The following CMYA5 variants were observed in gnomAD, a reference collection of about 807,000 sequenced individuals.
CMYA5 encodes cardiomyopathy associated 5.
In CMYA5, 246 loss-of-function variants were observed where a neutral mutation model predicts 318.9. That is an observed-to-expected ratio of 0.77 (90% CI 0.70 to 0.86). The LOEUF (loss-of-function observed/expected upper bound fraction) is 0.86. Among genes scored for constraint, CMYA5 ranks in the 40% least tolerant of loss-of-function variants. CMYA5 has a pLI of 0.00. For synonymous variants in CMYA5, 1,641 were observed against 1,729.5 expected, an observed-to-expected ratio of 0.95 and a Z score of 1.27; for missense variants, 4,589 against 4,678.2, an observed-to-expected ratio of 0.98 and a Z score of 0.56.
chr5:79,717,552 T>C (rs1044682806), intron 1 of CMYA5, among the ~76,000 whole-genome samples: 5 of 152,148 alleles, frequency 3.3e-5, no homozygotes, highest in Non-Finnish European at 5.9e-5. Context: ...TATACAAAGA[T>C]GATTCATTCT....
At chr5:79,778,811 CTGTG>C (rs35461782) in intron 9 of CMYA5, among the ~76,000 whole-genome samples, 1,235 of 84,956 alleles carry the variant, frequency 0.015, 177 homozygotes, top group African/African-American at 0.075. Context: ...CTCTCTCTTT[CTGTG>C]TGTGTGTGTG....
At position 79,746,903 on chromosome 5, in the gene CMYA5, C is replaced by T. The variant is rs868177201; in HGVS notation, c.10969-188C>T. 2.6e-5 allele frequency among the ~76,000 whole-genome samples: 4 copies of T among 152,062 alleles called. 1 individual carries two copies. The highest frequency in any genetic ancestry group is 9.7e-5 in the African/African-American group (4 of 41,406). ...TCCCCTGCACCCCGCCTTGTGAGCA[C>T]TTATGTCCTTGCTGCCCAGACTGAG... On this transcript the variant is annotated intron_variant, in intron 4 of 12. Transcript: ENST00000446378.
intron 6 of CMYA5, among the ~76,000 whole-genome samples, chr5:79,757,405 C>T (rs1828551782): frequency 6.6e-6 from 1 of 152,054 alleles, no homozygotes; most frequent in Admixed American, 6.6e-5. Flanking sequence ...ATTTTGTTGT[C>T]ATTAAAATTC....
chr5:79,713,277 T>C (rs1827435219), intron 1 of CMYA5, among the ~76,000 whole-genome samples: 1 of 135,120 alleles, frequency 7.4e-6, no homozygotes. Flanking sequence ...CACAGGACAG[T>C]CCCCACCCCG....
chr5:79,739,541 T>C (rs1283720717), intron 2 of CMYA5, 138 bp downstream of exon 2: 2 of 714,684 alleles, frequency 2.8e-6, no homozygotes, highest in Non-Finnish European at 4.2e-6. Context: ...AAACTAAGAA[T>C]ATTTCTCCAA....
intron 5 of CMYA5, among the ~76,000 whole-genome samples, chr5:79,748,528 T>TCTATCTAC (rs1554035619): frequency 7.6e-6 from 1 of 131,292 alleles, no homozygotes; most frequent in African/African-American, 3.9e-5. Flanking sequence ...TACCTATCTA[T>TCTATCTAC]CTATCTATCT....
chr5:79,735,056 T>A lies in CMYA5; in HGVS notation c.6291T>A (p.Pro2097=). The A allele has an allele frequency of 6.2e-7, 1 of 1,613,812 alleles. No homozygotes were observed. Among genetic ancestry groups the A allele is most frequent in the Non-Finnish European group, 8.5e-7 (1 of 1,179,804 alleles). The change falls in exon 2 of 13, where the codon CCT becomes CCA. Residue 2097 remains proline, a synonymous_variant. Transcript: ENST00000446378. ...KEAHRSTPPF[P]EEKPLEESKM... ...CACACAGGAGCACACCTCCTTTTCC[T>A]GAAGAGAAGCCATTGGAAGAATCAA...
chr5:79,775,147 G>A (rs746205670), intron 9 of CMYA5, among the ~76,000 whole-genome samples: 9 of 152,164 alleles, frequency 5.9e-5, no homozygotes, highest in Non-Finnish European at 1.3e-4. Flanking sequence ...CCCTCTGTAG[G>A]GAGCCTTTGG....
intron 1 of CMYA5, among the ~76,000 whole-genome samples, chr5:79,728,362 T>C (rs1827793184): frequency 1.3e-5 from 2 of 151,680 alleles, no homozygotes; most frequent in African/African-American, 2.4e-5. Flanking sequence ...TTTGCTGAGA[T>C]TTTAAAGCAG....
chr5:79,723,024 G>T (rs1453713506), intron 1 of CMYA5, among the ~76,000 whole-genome samples: 2 of 152,114 alleles, frequency 1.3e-5, no homozygotes, highest in Admixed American at 6.5e-5. Context: ...AACACTTAAG[G>T]GAGAAATAAT....
chr5:79,695,955 T>C (rs1827059138), intron 1 of CMYA5, among the ~76,000 whole-genome samples: 2 of 152,228 alleles, frequency 1.3e-5, no homozygotes, highest in Non-Finnish European at 2.9e-5. Context: ...TTATCCAGAA[T>C]CATCTCAGGA....
At chr5:79,745,479 C>G (rs768598200) in intron 4 of CMYA5, 24 bp downstream of exon 4, 3 of 1,531,992 alleles carry the variant, frequency 2.0e-6, no homozygotes, top group Middle Eastern at 1.7e-4. Flanking sequence ...AAAATGGGCT[C>G]AAACACCTTG....
At chr5:79,742,254 A>T (rs934677862) in intron 2 of CMYA5, among the ~76,000 whole-genome samples, 3 of 149,246 alleles carry the variant, frequency 2.0e-5, no homozygotes, top group Admixed American at 6.8e-5. Context: ...CAGCGGCGTG[A>T]TCATCATAGC....
At chr5:79,762,790 A>C in intron 8 of CMYA5, 2 of 382,792 alleles carry the variant, frequency 5.2e-6, no homozygotes, top group East Asian at 4.3e-5. Flanking sequence ...ATTTGCTTGT[A>C]TATGTATAAA....
chr5:79,765,910 A>G (rs1828741204), intron 9 of CMYA5, among the ~76,000 whole-genome samples: 1 of 152,186 alleles, frequency 6.6e-6, no homozygotes, highest in African/African-American at 2.4e-5. Flanking sequence ...GGGGTTTTCT[A>G]AATATACAAT....
chr5:79,731,352 A>G lies in CMYA5; in HGVS notation c.2587A>G (p.Met863Val), dbSNP rs1176434771. 2.5e-6 allele frequency: 4 copies of G among 1,613,906 alleles called. No homozygotes were observed. The Admixed American group carries it at 6.7e-5, about 27-fold the overall frequency. Residue 863 changes from methionine to valine, a missense_variant, in exon 2 of 13, where the codon ATG becomes GTG. By Grantham distance (21) the Met-to-Val change is conservative. This residue lies in a region of CMYA5 where 2,132 missense variants were observed against 2,131.3 expected (regional missense o/e 1.00). Coordinates refer to ENST00000446378, the MANE Select transcript of CMYA5 (RefSeq NM_153610.5). ...EHSFPPHTTE[M>V]TSECQAPPLS... ...CTCTTTCCCACCACACACAACCGAG[A>G]TGACTTCTGAATGCCAGGCCCCACC...
chr5:79,731,859 G>T lies in CMYA5; in HGVS notation c.3094G>T (p.Ala1032Ser). Residue 1032 changes from alanine to serine, a missense_variant, in exon 2 of 13, where the codon GCT becomes TCT. This residue lies in a region of CMYA5 where 2,132 missense variants were observed against 2,131.3 expected (regional missense o/e 1.00). Transcript: ENST00000446378. ...TGATTCACTATTAACTGCAGTGTCT[G>T]CTTCAGGTTATTCCTGCTTTTCAGA... ...EPDSLLTAVS[A>S]SGYSCFSEAD... 6.2e-7 allele frequency: 1 copy of T among 1,613,560 alleles called. No individual in the cohort carries two copies. Among genetic ancestry groups the T allele is most frequent in the Non-Finnish European group, 8.5e-7 (1 of 1,179,772 alleles).
intron 9 of CMYA5, among the ~76,000 whole-genome samples, chr5:79,778,320 T>C (rs1828981485): frequency 6.6e-6 from 1 of 152,188 alleles, no homozygotes; most frequent in South Asian, 2.1e-4. Context: ...ATTGTGAATT[T>C]TGATAGATAT....
chr5:79,791,664 G>T (rs182476846), intron 11 of CMYA5, among the ~76,000 whole-genome samples: 39 of 148,168 alleles, frequency 2.6e-4, no homozygotes, highest in Non-Finnish European at 4.7e-4. Context: ...AGGTTGCAGT[G>T]AGCTGAGATT....
Sources: gnomAD v4.1 joint callset for allele counts (sites outside exome capture counted in the v4.1 genomes callset) on GRCh38, gnomAD v4.1.1 for gene constraint, gnomAD v4.1.1 regional missense constraint, MANE v1.5 for transcripts, NCBI Gene and HGNC (gene_info 2026-07-23, HGNC 2026-07-21) for gene names.